Variants in DNASE1L3 observed in about 807,000 individuals in gnomAD.
DNASE1L3 encodes deoxyribonuclease gamma.
DNASE1L3 carries 27 observed loss-of-function variants against 30.9 expected under a neutral mutation model. That is an observed-to-expected ratio of 0.87 (90% confidence interval 0.64 to 1.20). DNASE1L3 has a LOEUF of 1.20. DNASE1L3 is among the 50% of genes most tolerant of loss of function. The pLI is 0.00. For synonymous variants in DNASE1L3, 135 were observed against 138.0 expected (o/e 0.98, Z 0.15); for missense variants, 364 against 378.2 (o/e 0.96, Z 0.31).
At chr3:58,196,821 T>A (rs779049371) in intron 6 of DNASE1L3, among the ~76,000 whole-genome samples, 2 of 152,172 alleles carry the variant, frequency 1.3e-5, no homozygotes, top group Non-Finnish European at 2.9e-5. Flanking sequence ...TGAAGGGACT[T>A]TAAAAAGCAC....
intron 7 of DNASE1L3, 172 bp downstream of exon 7, chr3:58,193,171 G>T: frequency 7.0e-7 from 1 of 1,436,292 alleles, no homozygotes; most frequent in Non-Finnish European, 9.2e-7. Flanking sequence ...CCGCTTCCTG[G>T]ACTCAAGTGA....
Position 58,195,865 on chromosome 3 carries a change from G to A in DNASE1L3, c.704+1956C>T, listed in dbSNP as rs150537913. On this transcript the variant is annotated intron_variant, in intron 6 of 7. Coordinates refer to ENST00000394549, the MANE Select transcript of DNASE1L3 (RefSeq NM_004944.4). ...AATTCAGAGCATCAAAATAAGAAAT[G>A]AATCTTTAAAATGTCACATGTAATC... 4.1e-4 allele frequency among the ~76,000 whole-genome samples: 62 copies of A among 152,228 alleles called. 1 individual carries two copies. In the East Asian group the frequency reaches 8.7e-3, roughly 21 times the overall value.
At chr3:58,199,398 C>T (rs1019686325) in intron 5 of DNASE1L3, among the ~76,000 whole-genome samples, 4 of 152,026 alleles carry the variant, frequency 2.6e-5, no homozygotes, top group African/African-American at 7.3e-5. Context: ...AGCCAGGCGC[C>T]GTGGCTCACG....
chr3:58,199,441 G>A (rs912779720), intron 5 of DNASE1L3, among the ~76,000 whole-genome samples: 7 of 152,072 alleles, frequency 4.6e-5, no homozygotes, highest in Non-Finnish European at 1.0e-4. Context: ...AAGCCGAGGC[G>A]GGTGGATCAC....
intron 7 of DNASE1L3, chr3:58,193,074 T>G: frequency 2.2e-6 from 3 of 1,371,476 alleles, no homozygotes; most frequent in African/African-American, 1.6e-5. Context: ...CATCAACCCA[T>G]CTTTTTTTTT....
chr3:58,201,009 G>C lies in DNASE1L3; in HGVS notation c.534C>G (p.Arg178=), dbSNP rs749958836. The C allele has an allele frequency of 6.2e-7, 1 of 1,611,936 alleles. No individual in the cohort carries two copies. The highest frequency in any genetic ancestry group is 1.7e-5 in the Admixed American group (1 of 59,856). ...CAGCAGTCCTCACCTCCGCCTTCCA[G>C]CGGTGTTTCACGTCCGTGTAGACCT... ...LVEVYTDVKH[R]WKAENFIFMG... The change falls in exon 5 of 8, where the codon CGC becomes CGG. Residue 178 remains arginine, a synonymous_variant. Coordinates refer to ENST00000394549, the MANE Select transcript of DNASE1L3 (RefSeq NM_004944.4).
At chr3:58,207,101 C>G (rs930286435) in intron 2 of DNASE1L3, among the ~76,000 whole-genome samples, 1 of 152,024 alleles carries the variant, frequency 6.6e-6, no homozygotes, top group African/African-American at 2.4e-5. Flanking sequence ...CCAGGTGCAG[C>G]GGCTCACACC....
chr3:58,192,887 C>T lies in DNASE1L3; in HGVS notation c.802-84G>A. On this transcript the variant is annotated intron_variant, in intron 7 of 7. Transcript: ENST00000394549. This position sits in a 1 kb window ranked among gnomAD's most constrained non-coding sequence, Gnocchi z 4.8. ...ATTTTAGCGATGAGCAAATTTAGGACCAGGGAGGGGAGAGGAAATGCCCGA... is the reference window on the plus strand; with the variant it reads ...ATTTTAGCGATGAGCAAATTTAGGATCAGGGAGGGGAGAGGAAATGCCCGA... 6.4e-7 allele frequency: 1 copy of T among 1,569,578 alleles called. No individual in the cohort carries two copies. The highest frequency in any genetic ancestry group is 8.6e-7 in the Non-Finnish European group (1 of 1,161,526).
At chr3:58,194,422 C>A (rs566329774) in intron 6 of DNASE1L3, among the ~76,000 whole-genome samples, 31 of 144,932 alleles carry the variant, frequency 2.1e-4, no homozygotes, top group African/African-American at 7.5e-4. Context: ...CGGGTTGAAG[C>A]GATTCTCCTG....
intron 7 of DNASE1L3, chr3:58,193,075 C>CTTTTTTTT: frequency 7.9e-7 from 1 of 1,272,886 alleles, no homozygotes; most frequent in Non-Finnish European, 9.9e-7. Context: ...ATCAACCCAT[C>CTTTTTTTT]TTTTTTTTTT....
intron 4 of DNASE1L3, among the ~76,000 whole-genome samples, chr3:58,202,582 G>T (rs1423900983): frequency 1.3e-5 from 2 of 152,012 alleles, no homozygotes; most frequent in Non-Finnish European, 2.9e-5. Context: ...GGCCAGGCGT[G>T]TTGGCTTACT....
Position 58,200,955 on chromosome 3 carries a change from G to A in DNASE1L3, c.546+42C>T. ...TCATCCCACTCAGGGACCAGAGCCT[G>A]CCCCTGCTAGATGGGAATTCGTCTG... is the stretch of plus-strand genomic sequence containing the variant. On this transcript the variant is annotated intron_variant, in intron 5 of 7. Transcript: ENST00000394549. The surrounding 1 kb of genome is among the most constrained non-coding windows in gnomAD (Gnocchi z 4.2). 1 of 1,551,100 alleles carries A rather than the reference G, an allele frequency of 6.4e-7. No individual in the cohort carries two copies.
rs2107373975 is a variant in DNASE1L3, at chr3:58,201,054, C to T, written c.489G>A (p.Lys163=). The change falls in exon 5 of 8, where the codon AAG becomes AAA. Residue 163 remains lysine, a synonymous_variant. Transcript: ENST00000394549. ...AGACCTCAACCAACTCATCGATCTC[C>T]TTAACGGATGTCTCTGGGGTGGTGT... ...PLHTTPETSV[K]EIDELVEVYT... 1 of 1,613,336 alleles carries T rather than the reference C, an allele frequency of 6.2e-7. No homozygotes were observed. The highest frequency in any genetic ancestry group is 1.3e-5 in the African/African-American group (1 of 75,008).
At chr3:58,196,198 T>C (rs1489130529) in intron 6 of DNASE1L3, among the ~76,000 whole-genome samples, 1 of 152,010 alleles carries the variant, frequency 6.6e-6, no homozygotes, top group Non-Finnish European at 1.5e-5. Context: ...CGCCTTGGGT[T>C]CCCACTTTGC....
chr3:58,202,326 T>G (rs2097401216), intron 4 of DNASE1L3, among the ~76,000 whole-genome samples: 2 of 140,474 alleles, frequency 1.4e-5, no homozygotes, highest in South Asian at 4.7e-4. Flanking sequence ...TGTTTTTTTT[T>G]TTTTTTTTTT....
intron 2 of DNASE1L3, among the ~76,000 whole-genome samples, chr3:58,207,409 A>G (rs2097404698): frequency 6.8e-6 from 1 of 146,852 alleles, no homozygotes; most frequent in Non-Finnish European, 1.5e-5. Context: ...TCACTCCTTC[A>G]CTAACCCCTT....
At chr3:58,201,171 C>T (rs573582281) in intron 4 of DNASE1L3, 62 bp from the exon 5 acceptor site, 2 of 1,388,392 alleles carry the variant, frequency 1.4e-6, no homozygotes, top group Non-Finnish European at 2.0e-6. Flanking sequence ...ATAAACACTG[C>T]TGGAGGGAAA....
chr3:58,193,408 A>G lies in DNASE1L3; in HGVS notation c.736T>C (p.Ser246Pro), dbSNP rs1427813769. The G allele has an allele frequency of 6.2e-7, 1 of 1,614,042 alleles. No individual in the cohort carries two copies. The highest frequency in any genetic ancestry group is 1.1e-5 in the South Asian group (1 of 91,054). The stretch of plus-strand genomic sequence containing the variant: ...ACACTGTTTGACTTGGGAACAACAG[A>G]ACTGACGATTTCTTGTCCTCTAAGC... The part of the protein sequence containing the change: ...IVLRGQEIVS[S>P]VVPKSNSVFD... The change falls in exon 7 of 8, where the codon TCT becomes CCT. Residue 246 changes from serine (S) to proline (P), a missense_variant. Ser to Pro is a moderately conservative substitution (Grantham distance 74, BLOSUM62 -1). Coordinates refer to ENST00000394549, the MANE Select transcript of DNASE1L3 (RefSeq NM_004944.4).
chr3:58,206,565 T>C (rs1375724155), intron 2 of DNASE1L3, among the ~76,000 whole-genome samples: 2 of 152,070 alleles, frequency 1.3e-5, no homozygotes, highest in African/African-American at 4.8e-5. Context: ...TCCTGGCTTG[T>C]GGGGGATAAA....
Sources: allele counts gnomAD v4.1 joint callset (sites outside exome capture counted in the v4.1 genomes callset), GRCh38; gene constraint gnomAD v4.1.1; non-coding constraint Gnocchi (gnomAD v3.1); transcripts MANE v1.5; gene names NCBI Gene and HGNC (gene_info 2026-07-23, HGNC 2026-07-21).